The following SORCS1 variants were observed in gnomAD, a reference collection of about 807,000 sequenced individuals.
The protein encoded by SORCS1 is sortilin related VPS10 domain containing receptor 1.
Under a neutral mutation model 146.1 loss-of-function variants are expected in SORCS1, and 60 were observed. That is an observed-to-expected ratio of 0.41 (90% CI 0.33 to 0.51). The LOEUF is 0.51. Among genes scored for constraint, SORCS1 ranks in the 20% least tolerant of loss-of-function variants. SORCS1 has a pLI of 0.21. For missense variants in SORCS1, 1,352 were observed against 1,487.6 expected, an observed-to-expected ratio of 0.91 and a Z score of 1.50; for synonymous variants, 637 against 584.0, an observed-to-expected ratio of 1.09 and a Z score of -1.31.
chr10:107,088,801 T>A (rs1963958492), intron 1 of SORCS1, among the ~76,000 whole-genome samples: 1 of 152,234 alleles, frequency 6.6e-6, no homozygotes, highest in African/African-American at 2.4e-5. Context: ...GAACAACTTC[T>A]ATTGTAGCCC....
intron 3 of SORCS1, among the ~76,000 whole-genome samples, chr10:106,822,127 TTAGA>T (rs34745206): frequency 0.25 from 37,469 of 151,906 alleles, 5,306 homozygotes; most frequent in Non-Finnish European, 0.33. Context: ...TACATCAGTG[TTAGA>T]TAGACACAGA....
At chr10:106,694,619 T>G (rs821959) in intron 9 of SORCS1, among the ~76,000 whole-genome samples, 121,886 of 152,142 alleles carry the variant, frequency 0.8, 51,362 homozygotes, top group Non-Finnish European at 0.94. Flanking sequence ...CCTCCTAAAC[T>G]AGATTGTAAG....
At chr10:106,815,667 A>G (rs1947703348) in intron 3 of SORCS1, among the ~76,000 whole-genome samples, 1 of 152,162 alleles carries the variant, frequency 6.6e-6, no homozygotes, top group Admixed American at 6.5e-5. Flanking sequence ...GTGGGGTAGG[A>G]TAAGTGAGAT....
At chr10:106,665,390 T>C (rs1468372984) in intron 17 of SORCS1, among the ~76,000 whole-genome samples, 107 of 137,158 alleles carry the variant, frequency 7.8e-4, no homozygotes, top group Admixed American at 8.6e-4. Context: ...CTCTCTCTCT[T>C]TTTTTTTTTT....
At chr10:107,016,406 G>A (rs143970539) in intron 1 of SORCS1, among the ~76,000 whole-genome samples, 345 of 152,292 alleles carry the variant, frequency 2.3e-3, no homozygotes, top group African/African-American at 7.7e-3. Flanking sequence ...CGGGGATGCT[G>A]AGGCATGAGA....
chr10:106,987,867 T>C (rs1956552356), intron 1 of SORCS1, among the ~76,000 whole-genome samples: 1 of 152,202 alleles, frequency 6.6e-6, no homozygotes, highest in African/African-American at 2.4e-5. Context: ...TTTATTATAT[T>C]ACAAAATCAC....
intron 2 of SORCS1, among the ~76,000 whole-genome samples, chr10:106,892,746 T>C (rs1171225000): frequency 6.6e-6 from 1 of 152,214 alleles, no homozygotes; most frequent in Non-Finnish European, 1.5e-5. Context: ...CTCTAACTTC[T>C]ACATGTCTCC....
intron 1 of SORCS1, among the ~76,000 whole-genome samples, chr10:107,015,310 T>C (rs1957852833): frequency 6.6e-6 from 1 of 152,116 alleles, no homozygotes; most frequent in Non-Finnish European, 1.5e-5. Context: ...CATTGTATGG[T>C]ATGTCAGAAG....
intron 14 of SORCS1, among the ~76,000 whole-genome samples, chr10:106,674,357 A>AG (rs1851864202): frequency 6.8e-6 from 1 of 147,166 alleles, no homozygotes; most frequent in South Asian, 2.2e-4. Context: ...AAAAAAAAAA[A>AG]GTAGTAGTGG....
At chr10:106,626,668 A>G (rs1162905439) in intron 19 of SORCS1, among the ~76,000 whole-genome samples, 1 of 152,224 alleles carries the variant, frequency 6.6e-6, no homozygotes, top group Non-Finnish European at 1.5e-5. Context: ...GAAGTCTGTT[A>G]TGGTATAGAT....
At chr10:106,899,944 A>G (rs986730717) in intron 2 of SORCS1, among the ~76,000 whole-genome samples, 1 of 151,874 alleles carries the variant, frequency 6.6e-6, no homozygotes, top group Non-Finnish European at 1.5e-5. Context: ...ACGTATATGT[A>G]TGTGTGTATG....
chr10:107,152,989 C>T (rs1968952231), intron 1 of SORCS1, among the ~76,000 whole-genome samples: 1 of 152,102 alleles, frequency 6.6e-6, no homozygotes, highest in Non-Finnish European at 1.5e-5. Context: ...TCTTCTCAAT[C>T]TGCCTCTGCT....
chr10:106,720,542 G>A (rs1038279232), intron 6 of SORCS1, among the ~76,000 whole-genome samples: 6 of 145,920 alleles, frequency 4.1e-5, no homozygotes, highest in Non-Finnish European at 7.5e-5. Context: ...GAAAATATGT[G>A]AGTAAATGCC....
chr10:106,722,757 T>C (rs1252480857), intron 6 of SORCS1, among the ~76,000 whole-genome samples: 1 of 152,132 alleles, frequency 6.6e-6, no homozygotes, highest in Non-Finnish European at 1.5e-5. Context: ...GGAGAAGCAA[T>C]AATGGCCAAA....
intron 2 of SORCS1, among the ~76,000 whole-genome samples, chr10:106,925,480 C>A (rs992300992): frequency 1.3e-5 from 2 of 152,044 alleles, no homozygotes; most frequent in Non-Finnish European, 2.9e-5. Flanking sequence ...AAGAGGTGGC[C>A]CCTCCTGATG....
intron 24 of SORCS1, among the ~76,000 whole-genome samples, chr10:106,586,275 C>T (rs996773156): frequency 1.1e-4 from 17 of 152,166 alleles, no homozygotes; most frequent in African/African-American, 3.6e-4. Flanking sequence ...TTAAAGCTTA[C>T]GCTGATATAG....
intron 1 of SORCS1, among the ~76,000 whole-genome samples, chr10:106,958,081 C>G (rs1955050597): frequency 6.6e-6 from 1 of 152,230 alleles, no homozygotes; most frequent in Non-Finnish European, 1.5e-5. Flanking sequence ...CAGCAATGAA[C>G]AGAGTCCACC....
chr10:106,615,725 T>A (rs749896473), intron 21 of SORCS1, among the ~76,000 whole-genome samples: 5 of 152,158 alleles, frequency 3.3e-5, no homozygotes, highest in Non-Finnish European at 7.3e-5. Context: ...GTGCAGGAAT[T>A]TGGTTAGAAG....
In SORCS1 at chr10:106,576,516, CAGGAG is replaced by C. The variant is rs1284937955; in HGVS notation, c.*899_*903del. The C allele has an allele frequency of 6.6e-6, 1 of 152,224 alleles. No individual in the cohort carries two copies. Among genetic ancestry groups the C allele is most frequent in the Non-Finnish European group, 1.5e-5 (1 of 68,072 alleles). 9.4% of individuals were successfully genotyped at this position (152,224 alleles called of 1,614,324 possible). A position where few individuals can be genotyped will look rare whatever the true frequency, so the allele number is the denominator to read the frequency against. ...ATTCCATTTCCTACTGCAGTTGGGG[CAGGAG>C]TAGGGAAAGCTGCAAGGGGAGGCAA... On this transcript the variant is annotated 3_prime_UTR_variant, in exon 26 of 26. Coordinates refer to ENST00000263054, the MANE Select transcript of SORCS1 (RefSeq NM_052918.5).
Sources: allele counts gnomAD v4.1 joint callset (sites outside exome capture counted in the v4.1 genomes callset), GRCh38; gene constraint gnomAD v4.1.1; transcripts MANE v1.5; gene names NCBI Gene and HGNC (gene_info 2026-07-23, HGNC 2026-07-21).